Variants in SDK1 observed in about 807,000 individuals in gnomAD.
SDK1 encodes sidekick cell adhesion molecule 1.
SDK1 carries 157 observed loss-of-function variants against 245.5 expected under a neutral mutation model. The observed-to-expected ratio is 0.64, with a 90% confidence interval of 0.56 to 0.73. SDK1 has a LOEUF of 0.73. Ranked by LOEUF, SDK1 falls within the 30% of genes least tolerant of loss-of-function variation. The probability of loss-of-function intolerance (pLI) is 0.00; values close to 1 mark genes in which losing one functional copy is unlikely to be tolerated. For missense variants in SDK1, 3,583 were observed against 3,002.3 expected (o/e 1.19, Z -4.52); for synonymous variants, 1,647 against 1,278.5 (o/e 1.29, Z -6.15).
At chr7:3,466,124 T>C (rs1438286736) in intron 1 of SDK1, among the ~76,000 whole-genome samples, 1 of 151,986 alleles carries the variant, frequency 6.6e-6, no homozygotes, top group African/African-American at 2.4e-5. Flanking sequence ...GGAGCAGGAC[T>C]GCTGGACATG....
intron 4 of SDK1, among the ~76,000 whole-genome samples, chr7:3,645,807 C>A (rs997031474): frequency 2.6e-5 from 4 of 152,098 alleles, no homozygotes; most frequent in African/African-American, 9.7e-5. Flanking sequence ...GCATTTGACT[C>A]AAGGTGCTTC....
intron 1 of SDK1, among the ~76,000 whole-genome samples, chr7:3,452,892 T>C (rs1232729042): frequency 6.6e-6 from 1 of 152,204 alleles, no homozygotes; most frequent in African/African-American, 2.4e-5. Flanking sequence ...TTCTTTGTTT[T>C]ATTTTTCACC....
At chr7:3,809,480 T>A (rs1342612680) in intron 4 of SDK1, among the ~76,000 whole-genome samples, 3 of 152,138 alleles carry the variant, frequency 2.0e-5, no homozygotes, top group African/African-American at 7.2e-5. Flanking sequence ...GGTGCTCCCG[T>A]CTCTGCTGGG....
chr7:4,032,869 C>T (rs1157968783), intron 17 of SDK1, among the ~76,000 whole-genome samples: 1 of 152,198 alleles, frequency 6.6e-6, no homozygotes, highest in African/African-American at 2.4e-5. Flanking sequence ...GAAGACTCAA[C>T]ATCACAGGGA....
intron 32 of SDK1, among the ~76,000 whole-genome samples, chr7:4,165,890 A>G (rs912117902): frequency 1.3e-5 from 2 of 152,008 alleles, no homozygotes; most frequent in Non-Finnish European, 2.9e-5. Flanking sequence ...GGGCTCAAGC[A>G]ATCCTCCCAC....
At chr7:3,885,985 G>C (rs991072480) in intron 5 of SDK1, among the ~76,000 whole-genome samples, 1 of 152,198 alleles carries the variant, frequency 6.6e-6, no homozygotes, top group African/African-American at 2.4e-5. Context: ...AAGGATTTCA[G>C]TGCAAGGGGT....
chr7:3,311,978 G>T (rs1779561262), intron 1 of SDK1, among the ~76,000 whole-genome samples: 2 of 152,264 alleles, frequency 1.3e-5, no homozygotes, highest in South Asian at 2.1e-4. Context: ...GGAAGGTGGA[G>T]TAAAGGTTCT....
At chr7:3,422,106 TATA>T (rs1450989087) in intron 1 of SDK1, among the ~76,000 whole-genome samples, 1 of 152,228 alleles carries the variant, frequency 6.6e-6, no homozygotes, top group African/African-American at 2.4e-5. Context: ...TGTATCTATC[TATA>T]ATGAGATTTC....
At chr7:3,487,220 A>G (rs1583934193) in intron 1 of SDK1, among the ~76,000 whole-genome samples, 1 of 152,344 alleles carries the variant, frequency 6.6e-6, no homozygotes, top group East Asian at 1.9e-4. Flanking sequence ...AAATTTAGAT[A>G]TTAAGTTTAT....
chr7:3,805,153 T>G (rs1583431793), intron 4 of SDK1, among the ~76,000 whole-genome samples: 1 of 152,244 alleles, frequency 6.6e-6, no homozygotes, highest in Non-Finnish European at 1.5e-5. Flanking sequence ...ATTCGTCCAT[T>G]AAAAAGAAAT....
At chr7:3,342,547 C>T (rs766920017) in intron 1 of SDK1, among the ~76,000 whole-genome samples, 7 of 151,946 alleles carry the variant, frequency 4.6e-5, no homozygotes, top group Non-Finnish European at 7.4e-5. Flanking sequence ...GAGATCGCAT[C>T]GTTGCACTCC....
intron 5 of SDK1, among the ~76,000 whole-genome samples, chr7:3,849,600 G>C (rs907614823): frequency 6.6e-6 from 1 of 152,210 alleles, no homozygotes; most frequent in African/African-American, 2.4e-5. Flanking sequence ...GAATTTGGAA[G>C]ATCCTGTGAG....
chr7:3,353,391 C>T (rs1262661229), intron 1 of SDK1, among the ~76,000 whole-genome samples: 1 of 152,074 alleles, frequency 6.6e-6, no homozygotes, highest in East Asian at 1.9e-4. Context: ...ATATACTGAA[C>T]ATAGGAACTC....
Position 4,158,430 on chromosome 7 carries a change from G to A in SDK1, c.4626-18G>A. On this transcript the variant is annotated intron_variant, in intron 30 of 44. Coordinates refer to ENST00000404826, the MANE Select transcript of SDK1 (RefSeq NM_152744.4). The stretch of plus-strand genomic sequence containing the variant: ...GGGTGGCAGGGCCCCGGCAGTCACG[G>A]TCTCTTCCACATTGCAGACTGAGGC... 1 of 1,604,772 alleles carries A rather than the reference G, an allele frequency of 6.2e-7. No homozygotes were observed. The highest frequency in any genetic ancestry group is 8.5e-7 in the Non-Finnish European group (1 of 1,172,972).
At chr7:3,994,834 T>A (rs1464902444) in intron 14 of SDK1, among the ~76,000 whole-genome samples, 1 of 152,092 alleles carries the variant, frequency 6.6e-6, no homozygotes, top group Non-Finnish European at 1.5e-5. Flanking sequence ...GATCCATGGA[T>A]CTGGGATCCT....
intron 5 of SDK1, among the ~76,000 whole-genome samples, chr7:3,921,339 T>C (rs1240495117): frequency 5.3e-5 from 8 of 152,218 alleles, no homozygotes; most frequent in South Asian, 2.1e-4. Context: ...TTTTAGCAAA[T>C]GTATCATAAT....
intron 31 of SDK1, 121 bp from the exon 32 acceptor site, chr7:4,161,665 C>A (rs915526801): frequency 5.3e-6 from 4 of 759,606 alleles, no homozygotes; most frequent in African/African-American, 5.2e-5. Flanking sequence ...GAAGGGGACC[C>A]CTGGAGAAGG....
At chr7:3,706,121 T>C (rs1784882248) in intron 4 of SDK1, among the ~76,000 whole-genome samples, 1 of 152,198 alleles carries the variant, frequency 6.6e-6, no homozygotes, top group Admixed American at 6.5e-5. Flanking sequence ...GAAACCCACT[T>C]GAGCATGGTT....
intron 35 of SDK1, among the ~76,000 whole-genome samples, chr7:4,185,117 G>C (rs1265213807): frequency 2.6e-5 from 4 of 152,230 alleles, no homozygotes; most frequent in Non-Finnish European, 5.9e-5. Flanking sequence ...TGTGAAGCGA[G>C]AGGGTCCCTA....
Sources: allele counts gnomAD v4.1 joint callset (sites outside exome capture counted in the v4.1 genomes callset), GRCh38; gene constraint gnomAD v4.1.1; transcripts MANE v1.5; gene names NCBI Gene and HGNC (gene_info 2026-07-23, HGNC 2026-07-21).